SORBS2: variants seen among roughly 807,000 people sequenced by gnomAD.
The protein encoded by SORBS2 is sorbin and SH3 domain containing 2.
Under a neutral mutation model 97.7 loss-of-function variants are expected in SORBS2, and 46 were observed. The observed-to-expected ratio is 0.47, with a 90% CI of 0.37 to 0.60. The LOEUF is 0.60. Among genes scored for constraint, SORBS2 ranks in the 20% least tolerant of loss-of-function variants. The pLI, the probability that SORBS2 is intolerant of heterozygous loss-of-function variation, is 0.00. For missense variants in SORBS2, 1,316 were observed against 1,282.3 expected, an observed-to-expected ratio of 1.03 and a Z score of -0.40; for synonymous variants, 476 against 473.4, an observed-to-expected ratio of 1.01 and a Z score of -0.07.
intron 9 of SORBS2, among the ~76,000 whole-genome samples, chr4:185,615,793 T>TG (rs2096617731): frequency 6.6e-6 from 1 of 152,202 alleles, no homozygotes; most frequent in African/African-American, 2.4e-5. Context: ...CAAAGACATA[T>TG]GCCAATGCTT....
chr4:185,727,635 T>C (rs2098566970), intron 2 of SORBS2, among the ~76,000 whole-genome samples: 1 of 152,218 alleles, frequency 6.6e-6, no homozygotes. Flanking sequence ...AGGCTTTCAT[T>C]AGGAAACCAG....
At chr4:185,791,887 T>C (rs2099081822) in intron 1 of SORBS2, among the ~76,000 whole-genome samples, 1 of 152,148 alleles carries the variant, frequency 6.6e-6, no homozygotes, top group African/African-American at 2.4e-5. Context: ...GTAGAGCTAA[T>C]CATTCTTAAT....
At chr4:185,810,884 C>CCTAT (rs1185087898) in intron 1 of SORBS2, 2 of 152,102 alleles carry the variant, frequency 1.3e-5, no homozygotes, top group African/African-American at 4.8e-5. Flanking sequence ...ATCTCTGAAA[C>CCTAT]CTATCTGCTT....
chr4:185,686,680 C>T (rs534449096), intron 2 of SORBS2, among the ~76,000 whole-genome samples: 1 of 152,360 alleles, frequency 6.6e-6, no homozygotes, highest in African/African-American at 2.4e-5. Context: ...AAACTGACAT[C>T]ACTCTAAGAG....
intron 14 of SORBS2, among the ~76,000 whole-genome samples, chr4:185,588,587 T>TCTCCTCCCTCCTC (rs1554048126): frequency 2.0e-4 from 24 of 122,938 alleles, no homozygotes; most frequent in South Asian, 8.6e-4. Flanking sequence ...ATTTTACGTT[T>TCTCCTCCCTCCTC]CTCCTCCCTC....
intron 4 of SORBS2, chr4:185,676,931 C>A: frequency 7.3e-7 from 1 of 1,364,176 alleles, no homozygotes. Flanking sequence ...GAAGCCCAAA[C>A]CAAAGGAGTT....
intron 2 of SORBS2, among the ~76,000 whole-genome samples, chr4:185,711,204 CCTCCCATCTCAGCCT>C (rs2098417731): frequency 2.0e-5 from 3 of 151,824 alleles, no homozygotes; most frequent in African/African-American, 2.4e-5. Flanking sequence ...GAACTCCTGG[CCTCCCATCTCAGCCT>C]CTCCCATCTC....
upstream of SORBS2, chr4:185,657,670 A>T (rs1411086717): frequency 1.5e-6 from 2 of 1,342,870 alleles, no homozygotes; most frequent in East Asian, 4.9e-5. Flanking sequence ...CTTGTTGTAT[A>T]TTTATGCCAA....
At chr4:185,905,654 C>T (rs1233378801) in intron 1 of SORBS2, among the ~76,000 whole-genome samples, 1 of 152,132 alleles carries the variant, frequency 6.6e-6, no homozygotes, top group Non-Finnish European at 1.5e-5. Context: ...TCTACAGGTG[C>T]GGTCTTACTA....
chr4:185,741,881 T>C (rs1167789303), intron 2 of SORBS2, among the ~76,000 whole-genome samples: 1 of 152,228 alleles, frequency 6.6e-6, no homozygotes, highest in Admixed American at 6.5e-5. Context: ...AGGGTGCTCG[T>C]GGCCTCCCGC....
chr4:185,700,813 G>A (rs2098250465), intron 2 of SORBS2, among the ~76,000 whole-genome samples: 1 of 152,106 alleles, frequency 6.6e-6, no homozygotes, highest in African/African-American at 2.4e-5. Flanking sequence ...CTCACTTCTA[G>A]TTCTTACCCC....
chr4:185,877,635 G>A (rs944480878), intron 1 of SORBS2, among the ~76,000 whole-genome samples: 9 of 152,086 alleles, frequency 5.9e-5, no homozygotes, highest in African/African-American at 2.2e-4. Context: ...GGGAGGCCAA[G>A]ACAGGTAGAT....
At chr4:185,786,752 A>G (rs1012465654) in intron 1 of SORBS2, among the ~76,000 whole-genome samples, 1 of 152,174 alleles carries the variant, frequency 6.6e-6, no homozygotes, top group African/African-American at 2.4e-5. Flanking sequence ...ACTTGAGGTC[A>G]GGAGTTCAAG....
chr4:185,708,934 C>G (rs13140562), intron 2 of SORBS2, among the ~76,000 whole-genome samples: 32,021 of 152,220 alleles, frequency 0.21, 3,955 homozygotes, highest in Non-Finnish European at 0.28. Context: ...GATCTCCAAT[C>G]TTTATATCTA....
At chr4:185,865,272 G>A (rs144844986) in intron 1 of SORBS2, among the ~76,000 whole-genome samples, 2 of 152,278 alleles carry the variant, frequency 1.3e-5, no homozygotes, top group African/African-American at 2.4e-5. Context: ...ACAGCGCACC[G>A]CGGCCCCCTG....
intron 1 of SORBS2, among the ~76,000 whole-genome samples, chr4:185,844,830 T>C (rs1043296970): frequency 6.6e-6 from 1 of 152,202 alleles, no homozygotes; most frequent in Non-Finnish European, 1.5e-5. Context: ...TGAGAACTTA[T>C]GCTAAATGAA....
intron 1 of SORBS2, among the ~76,000 whole-genome samples, chr4:185,928,498 G>C (rs2099264819): frequency 6.6e-6 from 1 of 152,204 alleles, no homozygotes; most frequent in African/African-American, 2.4e-5. Context: ...CTGCGGGAGA[G>C]TCAGGCACGT....
intron 2 of SORBS2, among the ~76,000 whole-genome samples, chr4:185,759,013 T>C (rs1019275210): frequency 1.3e-5 from 2 of 152,214 alleles, no homozygotes; most frequent in Non-Finnish European, 2.9e-5. Flanking sequence ...CATGGGAATT[T>C]AAGCTCTGTG....
intron 4 of SORBS2, among the ~76,000 whole-genome samples, chr4:185,640,214 T>C (rs1412484352): frequency 8.5e-5 from 13 of 152,278 alleles, no homozygotes; most frequent in Admixed American, 2.6e-4. Flanking sequence ...GACTGTGTAG[T>C]GTCCCTGGGA....
Sources: allele counts gnomAD v4.1 joint callset (sites outside exome capture counted in the v4.1 genomes callset), GRCh38; gene constraint gnomAD v4.1.1; transcripts MANE v1.5; gene names NCBI Gene and HGNC (gene_info 2026-07-23, HGNC 2026-07-21).